Variants in PTPRK observed in about 807,000 individuals in gnomAD.
PTPRK encodes protein tyrosine phosphatase receptor type K.
Under a neutral mutation model 178.0 loss-of-function variants are expected in PTPRK, and 75 were observed. The observed-to-expected ratio is 0.42, with a 90% CI of 0.35 to 0.51. The LOEUF (loss-of-function observed/expected upper bound fraction) is 0.51. Ranked by LOEUF, PTPRK falls within the 20% of genes least tolerant of loss-of-function variation. The pLI is 0.02. For missense variants in PTPRK, 1,441 were observed against 1,797.8 expected (o/e 0.80, Z 3.59); for synonymous variants, 637 against 620.6 (o/e 1.03, Z -0.39).
chr6:128,192,019 T>A (rs538985168), intron 6 of PTPRK, among the ~76,000 whole-genome samples: 14 of 152,294 alleles, frequency 9.2e-5, no homozygotes, highest in Admixed American at 7.2e-4. Context: ...AGTGAACTGA[T>A]AACAGTATTT....
chr6:128,041,824 A>G (rs1288997403), intron 13 of PTPRK, among the ~76,000 whole-genome samples: 1 of 146,216 alleles, frequency 6.8e-6, no homozygotes, highest in Non-Finnish European at 1.5e-5. Flanking sequence ...AAAAGTGTAT[A>G]TATATGTAAT....
At chr6:128,333,660 T>C (rs974508400) in intron 2 of PTPRK, among the ~76,000 whole-genome samples, 1 of 152,204 alleles carries the variant, frequency 6.6e-6, no homozygotes, top group Non-Finnish European at 1.5e-5. Flanking sequence ...CTTAAGGGAA[T>C]GCTGTGGCTG....
intron 1 of PTPRK, among the ~76,000 whole-genome samples, chr6:128,486,861 G>A (rs544267318): frequency 6.6e-6 from 1 of 151,506 alleles, no homozygotes. Flanking sequence ...AATAAAAAGG[G>A]AGGGAGGGAG....
chr6:128,231,284 T>C (rs1812253947), intron 5 of PTPRK, among the ~76,000 whole-genome samples: 1 of 152,158 alleles, frequency 6.6e-6, no homozygotes, highest in Admixed American at 6.5e-5. Context: ...GACTGCCGAG[T>C]GTTGGCTCTT....
At chr6:128,463,568 A>T (rs1849353786) in intron 1 of PTPRK, among the ~76,000 whole-genome samples, 1 of 152,122 alleles carries the variant, frequency 6.6e-6, no homozygotes, top group Non-Finnish European at 1.5e-5. Flanking sequence ...TTGATATTTT[A>T]TCTTAAGTAG....
rs185393803 is a variant in PTPRK, at chr6:128,373,076, T to C, written c.223+24490A>G. On this transcript the variant is annotated intron_variant, in intron 2 of 29. Transcript: ENST00000368226. ...AGCATTTCCCAGTAAAAGCACAAAG[T>C]CTATGTGGCAAATGTAAGGGCCTAT... is the stretch of plus-strand genomic sequence containing the variant. Among the ~76,000 whole-genome samples the C allele has an allele frequency of 2.9e-3, 444 of 151,984 alleles. 1 individual carries two copies. The highest frequency in any genetic ancestry group is 0.01 in the Middle Eastern group (3 of 294).
In PTPRK at chr6:128,208,610, C is replaced by A. The variant is rs544262963; in HGVS notation, c.868+10312G>T. 7.9e-5 allele frequency among the ~76,000 whole-genome samples: 12 copies of A among 152,162 alleles called. No homozygotes were observed. In the East Asian group the frequency reaches 2.3e-3, roughly 29 times the overall value. ...ATAAAAAAGACATCATATTTAACTG[C>A]CTGGTTTCTCTTTCTAAATTTTCCA... On this transcript the variant is annotated intron_variant, in intron 6 of 29. Coordinates refer to ENST00000368226, the MANE Select transcript of PTPRK (RefSeq NM_002844.4).
chr6:128,066,700 CAATAAATAAATAAATA>C (rs138949244), intron 12 of PTPRK, among the ~76,000 whole-genome samples: 54 of 149,516 alleles, frequency 3.6e-4, no homozygotes, highest in Admixed American at 1.9e-3. Flanking sequence ...CTCTGTCTGC[CAATAAATAAATAAATA>C]AATAAATAAA....
At chr6:128,502,984 T>C (rs184907679) in intron 1 of PTPRK, among the ~76,000 whole-genome samples, 1 of 152,260 alleles carries the variant, frequency 6.6e-6, no homozygotes, top group Admixed American at 6.5e-5. Flanking sequence ...TCTCAGCACT[T>C]TGGGAGTCCA....
intron 1 of PTPRK, among the ~76,000 whole-genome samples, chr6:128,427,473 A>G (rs1844291909): frequency 6.6e-6 from 1 of 152,236 alleles, no homozygotes; most frequent in Admixed American, 6.5e-5. Context: ...TCTTTGTGCC[A>G]TTGCTGACAA....
rs200838927 is a variant in PTPRK, at chr6:128,067,754, C to T, written c.1922G>A (p.Arg641Gln). The T allele has an allele frequency of 2.1e-5, 34 of 1,611,556 alleles. No individual in the cohort carries two copies. The highest frequency in any genetic ancestry group is 1.1e-4 in the East Asian group (5 of 44,814). Residue 641 changes from arginine to glutamine, a missense_variant, in exon 12 of 30, where the codon CGA becomes CAA. Arg to Gln is a conservative substitution (Grantham distance 43). Around this residue, in one of 4 missense-constraint regions of PTPRK, gnomAD observed 945 missense variants for 1,080.6 expected, o/e 0.87. Transcript: ENST00000368226. ...QIVVEELHPH[R>Q]TKREAGAMEC... The stretch of plus-strand genomic sequence containing the variant: ...CATGGCTCCGGCTTCTCTCTTGGTT[C>T]GGTGTGGGTGCAGTTCTTCCACAAC...
chr6:128,070,257 G>T (rs1389132376), intron 11 of PTPRK, among the ~76,000 whole-genome samples: 1 of 151,856 alleles, frequency 6.6e-6, no homozygotes, highest in Non-Finnish European at 1.5e-5. Context: ...CTTAAACCAG[G>T]AACCTCACTT....
chr6:127,998,966 T>C (rs905836002), intron 15 of PTPRK, 62 bp from the exon 16 acceptor site: 11 of 1,351,754 alleles, frequency 8.1e-6, no homozygotes, highest in South Asian at 3.2e-5. Context: ...TTAATATATG[T>C]ATCTATGCAA....
chr6:128,360,076 T>G (rs1338808767), intron 2 of PTPRK, among the ~76,000 whole-genome samples: 1 of 152,184 alleles, frequency 6.6e-6, no homozygotes, highest in Non-Finnish European at 1.5e-5. Flanking sequence ...TATTTGTTGT[T>G]GCTCAGAGTT....
At chr6:128,264,640 C>T (rs1427974323) in intron 3 of PTPRK, among the ~76,000 whole-genome samples, 1 of 152,014 alleles carries the variant, frequency 6.6e-6, no homozygotes, top group Non-Finnish European at 1.5e-5. Context: ...AGGCATGCAC[C>T]ACCATACCTG....
intron 13 of PTPRK, among the ~76,000 whole-genome samples, chr6:128,011,023 C>A (rs1018630016): frequency 6.6e-6 from 1 of 150,886 alleles, no homozygotes. Context: ...TCCAGGGCGA[C>A]GTTAGAAATA....
intron 3 of PTPRK, among the ~76,000 whole-genome samples, chr6:128,257,273 A>C (rs1010453389): frequency 6.6e-6 from 1 of 150,578 alleles, no homozygotes; most frequent in Admixed American, 6.6e-5. Flanking sequence ...CTGGGACCTT[A>C]TCTTGCATGG....
intron 2 of PTPRK, among the ~76,000 whole-genome samples, chr6:128,336,926 T>C (rs1015891502): frequency 6.6e-6 from 1 of 152,128 alleles, no homozygotes; most frequent in South Asian, 2.1e-4. Context: ...ATACATTCCA[T>C]CTGGTGCTCA....
chr6:128,121,754 T>C (rs1792505836), intron 7 of PTPRK, among the ~76,000 whole-genome samples: 1 of 152,168 alleles, frequency 6.6e-6, no homozygotes, highest in South Asian at 2.1e-4. Context: ...TGTCTTTTAA[T>C]GTGCGGGGTT....
Sources: allele counts gnomAD v4.1 joint callset (sites outside exome capture counted in the v4.1 genomes callset), GRCh38; gene constraint gnomAD v4.1.1; regional missense constraint gnomAD v4.1.1; transcripts MANE v1.5; gene names NCBI Gene and HGNC (gene_info 2026-07-23, HGNC 2026-07-21).